Variants in PRKN observed in about 807,000 individuals in gnomAD.
PRKN encodes E3 ubiquitin-protein ligase parkin.
In PRKN, 56 loss-of-function variants were observed where a neutral mutation model predicts 59.5. The observed-to-expected ratio is 0.94, with a 90% CI of 0.76 to 1.18. The LOEUF is 1.18. PRKN is among the 50% of genes most tolerant of loss of function. The probability of loss-of-function intolerance (pLI) is 0.00; values close to 1 mark genes in which losing one functional copy is unlikely to be tolerated. For synonymous variants in PRKN, 250 were observed against 222.1 expected, an observed-to-expected ratio of 1.13 and a Z score of -1.12; for missense variants, 657 against 596.4, an observed-to-expected ratio of 1.10 and a Z score of -1.06.
chr6:162,288,975 TG>T (rs1472079182), intron 2 of PRKN, among the ~76,000 whole-genome samples: 4 of 152,208 alleles, frequency 2.6e-5, no homozygotes, highest in Non-Finnish European at 5.9e-5. Context: ...AGATTTGTTG[TG>T]GTCTGTAGGG....
chr6:162,393,861 A>C (rs146849284), intron 2 of PRKN, among the ~76,000 whole-genome samples: 1 of 152,220 alleles, frequency 6.6e-6, no homozygotes, highest in Non-Finnish European at 1.5e-5. Flanking sequence ...AGTTAAAATT[A>C]AAAACATTTC....
intron 6 of PRKN, among the ~76,000 whole-genome samples, chr6:161,965,871 G>T (rs1409194472): frequency 6.6e-6 from 1 of 152,030 alleles, no homozygotes; most frequent in African/African-American, 2.4e-5. Flanking sequence ...TTCTTCTGAG[G>T]TCTTATAATG....
At chr6:162,440,444 T>C (rs1789998068) in intron 2 of PRKN, among the ~76,000 whole-genome samples, 1 of 152,100 alleles carries the variant, frequency 6.6e-6, no homozygotes, top group South Asian at 2.1e-4. Context: ...TCAAAGAAGG[T>C]GAAACTAAGT....
chr6:162,310,710 A>G (rs1005334241), intron 2 of PRKN, among the ~76,000 whole-genome samples: 10 of 151,752 alleles, frequency 6.6e-5, no homozygotes, highest in Non-Finnish European at 1.3e-4. Flanking sequence ...AAACCTGCAC[A>G]TTGTGCATAT....
intron 11 of PRKN, among the ~76,000 whole-genome samples, chr6:161,350,976 TATA>T: frequency 2.2e-5 from 1 of 45,128 alleles, no homozygotes; most frequent in African/African-American, 1.0e-4. Context: ...TATATATAAA[TATA>T]TTTTATATAT....
chr6:162,030,129 C>T (rs1235265671), intron 5 of PRKN, among the ~76,000 whole-genome samples: 5 of 152,150 alleles, frequency 3.3e-5, no homozygotes, highest in Admixed American at 6.5e-5. Flanking sequence ...CGAGAACCAC[C>T]GTGCCCAGCC....
intron 7 of PRKN, among the ~76,000 whole-genome samples, chr6:161,632,344 C>G (rs1311383034): frequency 6.6e-6 from 1 of 152,184 alleles, no homozygotes; most frequent in Non-Finnish European, 1.5e-5. Flanking sequence ...GCAACCCAGG[C>G]AGACACAGGC....
In PRKN at chr6:162,271,017, T is replaced by TG. The variant is rs1491367929; in HGVS notation, c.172-8253_172-8252insC. Reference sequence around the variant, plus strand: ...CCACTACACCTAGCTAATTTTCTAGTTTTTTTTTTTTTTTTTTTTTGTAGA... The same window carrying TG: ...CCACTACACCTAGCTAATTTTCTAGTGTTTTTTTTTTTTTTTTTTTTGTAGA... On this transcript the variant is annotated intron_variant, in intron 2 of 11. Coordinates refer to ENST00000366898, the MANE Select transcript of PRKN (RefSeq NM_004562.3). 1.2e-3 allele frequency among the ~76,000 whole-genome samples: 71 copies of TG among 57,336 alleles called. No individual in the cohort carries two copies. The African/African-American group carries it at 0.02, about 16-fold the overall frequency. The allele number at this position is 57,336 out of a possible 152,430, so 37.6% of individuals were successfully genotyped here.
intron 7 of PRKN, among the ~76,000 whole-genome samples, chr6:161,768,479 T>G (rs1214445850): frequency 6.6e-6 from 1 of 152,194 alleles, no homozygotes; most frequent in African/African-American, 2.4e-5. Context: ...AAAGAATTGA[T>G]TATGAATACC....
chr6:162,133,049 T>A (rs904592168), intron 4 of PRKN, among the ~76,000 whole-genome samples: 1 of 152,108 alleles, frequency 6.6e-6, no homozygotes. Context: ...GACAGTCCCA[T>A]GGGCACAGTG....
chr6:161,529,426 C>A lies in PRKN; in HGVS notation c.1083+19428G>T, dbSNP rs1018843290. Among the ~76,000 whole-genome samples, 5 of 152,076 alleles carry A rather than the reference C, an allele frequency of 3.3e-5. No individual in the cohort carries two copies. The highest frequency in any genetic ancestry group is 7.3e-5 in the Non-Finnish European group (5 of 68,034). On this transcript the variant is annotated intron_variant, in intron 9 of 11. Coordinates refer to ENST00000366898, the MANE Select transcript of PRKN (RefSeq NM_004562.3). This position sits in a 1 kb window ranked among gnomAD's most constrained non-coding sequence, Gnocchi z 4.4. Reference sequence around the variant, plus strand: ...TCAATACCAGCATGCAAGAAAGCTCCGAGTCTTAGAGATGGAAGAGGCCTC... The same window carrying A: ...TCAATACCAGCATGCAAGAAAGCTCAGAGTCTTAGAGATGGAAGAGGCCTC...
intron 6 of PRKN, among the ~76,000 whole-genome samples, chr6:161,919,524 T>C (rs1370808497): frequency 1.3e-5 from 2 of 152,216 alleles, no homozygotes; most frequent in African/African-American, 2.4e-5. Flanking sequence ...AATAAAGTTA[T>C]TGGAATTCAG....
intron 3 of PRKN, among the ~76,000 whole-genome samples, chr6:162,231,159 A>C (rs140764791): frequency 1.7e-4 from 26 of 152,034 alleles, no homozygotes; most frequent in Non-Finnish European, 3.4e-4. Context: ...CTCTCCTCTA[A>C]ACTCAGTTAG....
At chr6:161,978,993 C>A (rs1347934234) in intron 5 of PRKN, among the ~76,000 whole-genome samples, 3 of 152,108 alleles carry the variant, frequency 2.0e-5, no homozygotes, top group Non-Finnish European at 4.4e-5. Flanking sequence ...CCACCTCTTA[C>A]AAATGGTAGT....
At chr6:161,920,901 A>G (rs2128238957) in intron 6 of PRKN, among the ~76,000 whole-genome samples, 1 of 152,288 alleles carries the variant, frequency 6.6e-6, no homozygotes, top group East Asian at 1.9e-4. Context: ...GGCCTAGGAC[A>G]TTATTGTATA....
chr6:162,086,264 C>T (rs1562504108), intron 4 of PRKN, among the ~76,000 whole-genome samples: 1 of 152,102 alleles, frequency 6.6e-6, no homozygotes, highest in African/African-American at 2.4e-5. Flanking sequence ...GGGCATCTCT[C>T]AAAACTTAGA....
At chr6:161,464,241 C>T (rs956436560) in intron 9 of PRKN, among the ~76,000 whole-genome samples, 38 of 152,116 alleles carry the variant, frequency 2.5e-4, no homozygotes, top group African/African-American at 8.7e-4. Context: ...CTTATACTCC[C>T]GACCTCAGGT....
rs1787894353 is a variant in PRKN at position 162,403,351 on chromosome 6, G to A, written c.171+39959C>T. 2.6e-5 allele frequency among the ~76,000 whole-genome samples: 4 copies of A among 151,948 alleles called. No individual in the cohort carries two copies. The South Asian group carries it at 6.2e-4, about 24-fold the overall frequency. ...AGCCCTGTGCCTCACTCCCTCACCC[G>A]GGCTGCGTCTTTACTCAAATGCCTT... On this transcript the variant is annotated intron_variant, in intron 2 of 11. Coordinates refer to ENST00000366898, the MANE Select transcript of PRKN (RefSeq NM_004562.3).
chr6:162,287,100 G>A (rs1350166801), intron 2 of PRKN, among the ~76,000 whole-genome samples: 2 of 152,140 alleles, frequency 1.3e-5, no homozygotes, highest in East Asian at 3.8e-4. Context: ...CCCATCTAAT[G>A]GTACAGATGT....
Sources: allele counts gnomAD v4.1 joint callset (sites outside exome capture counted in the v4.1 genomes callset), GRCh38; gene constraint gnomAD v4.1.1; non-coding constraint Gnocchi (gnomAD v3.1); transcripts MANE v1.5; gene names NCBI Gene and HGNC (gene_info 2026-07-23, HGNC 2026-07-21).